CPNE9: variants seen among roughly 807,000 people sequenced by gnomAD.
CPNE9 encodes the protein copine family member 9, also known as copine-9.
In CPNE9, 59 loss-of-function variants were observed where a neutral mutation model predicts 83.0. The ratio of observed to expected loss-of-function variants is 0.71; its 90% CI spans 0.58 to 0.88. The LOEUF (loss-of-function observed/expected upper bound fraction) is 0.88. Ranked by LOEUF, CPNE9 falls within the 40% of genes least tolerant of loss-of-function variation. The pLI is 0.00. For synonymous variants in CPNE9, 256 were observed against 273.4 expected (o/e 0.94, Z 0.63); for missense variants, 619 against 720.8 (o/e 0.86, Z 1.62).
chr3:9,725,520 G>C (rs1250708283), intron 17 of CPNE9, among the ~76,000 whole-genome samples: 1 of 151,644 alleles, frequency 6.6e-6, no homozygotes, highest in African/African-American at 2.4e-5. Flanking sequence ...GGGCAACAGG[G>C]TAAGACTCTG....
chr3:9,705,516 C>T lies in CPNE9; in HGVS notation c.297+16C>T. 6.3e-6 allele frequency: 10 copies of T among 1,599,602 alleles called. No individual in the cohort carries two copies. The highest frequency in any genetic ancestry group is 8.5e-6 in the Non-Finnish European group (10 of 1,171,726). On this transcript the variant is annotated intron_variant, in intron 5 of 20. Coordinates refer to ENST00000383832, the MANE Select transcript of CPNE9 (RefSeq NM_153635.3). ...CTCCAAACCGGTGAGCAAACGTTTC[C>T]TCGAGGGTTGGCGGAGCGCACAGGA...
chr3:9,727,645 T>G (rs1559647503), intron 20 of CPNE9, among the ~76,000 whole-genome samples: 1 of 152,072 alleles, frequency 6.6e-6, no homozygotes, highest in Non-Finnish European at 1.5e-5. Context: ...ACTGGCCCGA[T>G]CCACGAAAAA....
chr3:9,719,652 G>C (rs2076717369), intron 17 of CPNE9, among the ~76,000 whole-genome samples: 1 of 152,094 alleles, frequency 6.6e-6, no homozygotes, highest in Non-Finnish European at 1.5e-5. Context: ...CTCCATAAAT[G>C]ATAAGTTAAA....
Position 9,718,052 on chromosome 3 carries a change from C to T in CPNE9, c.955C>T (p.Leu319=), listed in dbSNP as rs767803469. The T allele has an allele frequency of 1.9e-6, 3 of 1,613,230 alleles. No individual in the cohort carries two copies. The highest frequency in any genetic ancestry group is 2.5e-6 in the Non-Finnish European group (3 of 1,179,550). Residue 319 remains leucine, a synonymous_variant, in exon 16 of 21, where the codon CTG becomes TTG. Transcript: ENST00000383832. ...SNGNPLQPTS[L]HYMSPYQLSA... ...AGGGAATCCTCTGCAGCCTACCTCC[C>T]TGCACTACATGAGTCCCTACCAGCT...
intron 17 of CPNE9, among the ~76,000 whole-genome samples, chr3:9,723,943 T>C (rs1428190248): frequency 2.0e-5 from 3 of 152,242 alleles, no homozygotes; most frequent in Admixed American, 1.3e-4. Context: ...TCTGCAATGA[T>C]GGAAAAGTTC....
chr3:9,723,497 T>A (rs2076751447), intron 17 of CPNE9, among the ~76,000 whole-genome samples: 2 of 151,644 alleles, frequency 1.3e-5, no homozygotes, highest in African/African-American at 4.8e-5. Context: ...AAAACCAGGA[T>A]CATGACCCAC....
chr3:9,718,227 AG>A lies in CPNE9; in HGVS notation c.1113+18del. ...TTCCCCCTGGTATGGTATTGGCCAG[AG>A]CTTACCCTCCGTGCCCTGGCATCTG... On this transcript the variant is annotated intron_variant, in intron 16 of 20. Coordinates refer to ENST00000383832, the MANE Select transcript of CPNE9 (RefSeq NM_153635.3). The A allele has an allele frequency of 6.3e-7, 1 of 1,589,448 alleles. No individual in the cohort carries two copies. Among genetic ancestry groups the A allele is most frequent in the Non-Finnish European group, 8.6e-7 (1 of 1,166,004 alleles).
intron 20 of CPNE9, among the ~76,000 whole-genome samples, chr3:9,728,657 A>G (rs2076804185): frequency 6.6e-6 from 1 of 152,124 alleles, no homozygotes; most frequent in African/African-American, 2.4e-5. Context: ...AAAATAAAAC[A>G]TAATTTTTTG....
intron 10 of CPNE9, 117 bp downstream of exon 10, chr3:9,713,196 CAG>C (rs1449376610): frequency 2.6e-6 from 2 of 775,566 alleles, no homozygotes; most frequent in Non-Finnish European, 4.2e-6. Context: ...CTCAGTGAGA[CAG>C]AGTTTGGGGC....
chr3:9,712,788 G>A lies in CPNE9; in HGVS notation c.505G>A (p.Asp169Asn). 2 of 1,614,156 alleles carry A rather than the reference G, an allele frequency of 1.2e-6. No homozygotes were observed. The highest frequency in any genetic ancestry group is 1.1e-5 in the South Asian group (1 of 91,078). The change falls in exon 9 of 21, where the codon GAC becomes AAC. Residue 169 changes from aspartate to asparagine, a missense_variant. By Grantham distance (23) the Asp-to-Asn change is conservative (BLOSUM62 1). Around this residue, in one of 3 missense-constraint regions of CPNE9, gnomAD observed 438 missense variants for 562.9 expected, o/e 0.78. Transcript: ENST00000383832. The stretch of plus-strand genomic sequence containing the variant: ...CAAGAAGGACTTCTTTGGGAAATCA[G>A]ACCCCTTCCTTGTGTTCTACAGGAG... Reference protein sequence around the residue: ...LDKKDFFGKSDPFLVFYRSNE... With the variant: ...LDKKDFFGKSNPFLVFYRSNE...
At chr3:9,719,832 A>T (rs989147994) in intron 17 of CPNE9, among the ~76,000 whole-genome samples, 2 of 151,990 alleles carry the variant, frequency 1.3e-5, no homozygotes, top group African/African-American at 4.8e-5. Flanking sequence ...TCTCTACTGA[A>T]AATACAAAAA....
intron 7 of CPNE9, among the ~76,000 whole-genome samples, chr3:9,712,098 A>G (rs1313883965): frequency 6.6e-6 from 1 of 152,216 alleles, no homozygotes; most frequent in East Asian, 1.9e-4. Context: ...AACCAGAGTC[A>G]GCTTTGAAGA....
At chr3:9,723,636 T>A (rs1195648455) in intron 17 of CPNE9, among the ~76,000 whole-genome samples, 1 of 152,200 alleles carries the variant, frequency 6.6e-6, no homozygotes, top group African/African-American at 2.4e-5. Flanking sequence ...CATGGCTCAC[T>A]GGGCTCATGC....
chr3:9,704,101 C>T lies in CPNE9; in HGVS notation c.68+37C>T. ...GCGCTGGGGAGGGCTTAGGCACTGG[C>T]ACTGCCCCAGCCCCAGCCAGCCGCG... On this transcript the variant is annotated intron_variant, in intron 1 of 20. Coordinates refer to ENST00000383832, the MANE Select transcript of CPNE9 (RefSeq NM_153635.3). This position sits in a 1 kb window ranked among gnomAD's most constrained non-coding sequence, Gnocchi z 7.1. The T allele has an allele frequency of 6.3e-7, 1 of 1,581,042 alleles. No homozygotes were observed. Among genetic ancestry groups the T allele is most frequent in the Non-Finnish European group, 8.6e-7 (1 of 1,162,198 alleles).
chr3:9,715,478 T>C lies in CPNE9; in HGVS notation c.774T>C (p.Leu258=), dbSNP rs2076674017. Residue 258 remains leucine (L), a synonymous_variant, in exon 13 of 21, where the codon CTT becomes CTC. Coordinates refer to ENST00000383832, the MANE Select transcript of CPNE9 (RefSeq NM_153635.3). ...CTGTTACCTCCTCCCCTTAGGTTCT[T>C]AACCCTCGGAAGAAATGTAAGAAGA... ...AQNQFTVYEV[L]NPRKKCKKKK... The C allele has an allele frequency of 6.2e-7, 1 of 1,613,884 alleles. No homozygotes were observed. Among genetic ancestry groups the C allele is most frequent in the African/African-American group, 1.3e-5 (1 of 74,910 alleles).
chr3:9,708,368 C>T (rs1490453956), intron 7 of CPNE9, among the ~76,000 whole-genome samples: 3 of 152,040 alleles, frequency 2.0e-5, no homozygotes, highest in Non-Finnish European at 4.4e-5. Context: ...GGCCAAGGCT[C>T]CACAAATTGG....
At position 9,729,628 on chromosome 3, in the gene CPNE9, A is replaced by T. The variant is rs2076811462; in HGVS notation, c.1598A>T (p.Asp533Val). ...EQLLSYMRTR[D>V]IQPRPPPPAN... ...CTGCTGTCCTATATGCGCACCAGAG[A>T]CATCCAGCCTCGGCCCCCACCCCCT... Residue 533 changes from aspartate to valine, a missense_variant, in exon 21 of 21, where the codon GAC (aspartate) becomes GTC (valine). This residue lies in a region of CPNE9 where 51 missense variants were observed against 40.4 expected (regional missense o/e 1.26). Coordinates refer to ENST00000383832, the MANE Select transcript of CPNE9 (RefSeq NM_153635.3). The T allele has an allele frequency of 1.9e-6, 3 of 1,614,030 alleles. No homozygotes were observed. The highest frequency in any genetic ancestry group is 1.7e-6 in the Non-Finnish European group (2 of 1,179,982).
rs1471794887 is a variant in CPNE9 at position 9,722,467 on chromosome 3, T to C, written c.1242-3482T>C. On this transcript the variant is annotated intron_variant, in intron 17 of 20. Transcript: ENST00000383832. ...ATCTACAGAGAACCAAAGATGTACC[T>C]CCTGTGCCCCCAAACCCTTCCATGA... 2.0e-5 allele frequency among the ~76,000 whole-genome samples: 3 copies of C among 151,652 alleles called. No homozygotes were observed. The East Asian group carries it at 5.8e-4, about 29-fold the overall frequency.
intron 7 of CPNE9, among the ~76,000 whole-genome samples, chr3:9,707,397 A>T (rs1021275932): frequency 6.6e-6 from 1 of 150,818 alleles, no homozygotes; most frequent in South Asian, 2.1e-4. Flanking sequence ...GGGTGGCCAA[A>T]GGTAGAAGCA....
Sources: gnomAD v4.1 joint callset for allele counts (sites outside exome capture counted in the v4.1 genomes callset) on GRCh38, gnomAD v4.1.1 for gene constraint, gnomAD v4.1.1 regional missense constraint, Gnocchi (gnomAD v3.1) non-coding constraint, MANE v1.5 for transcripts, NCBI Gene and HGNC (gene_info 2026-07-23, HGNC 2026-07-21) for gene names.